The following TAB2 variants were observed in gnomAD, a reference collection of about 807,000 sequenced individuals.
TAB2 encodes TGF-beta-activated kinase 1 and MAP3K7-binding protein 2.
In TAB2, 3 loss-of-function variants were observed where a neutral mutation model predicts 65.0. That is an observed-to-expected ratio of 0.05 (90% confidence interval 0.02 to 0.12). The LOEUF is 0.12. Ranked by LOEUF, TAB2 falls within the 10% of genes least tolerant of loss-of-function variation. The pLI is 1.00. For missense variants in TAB2, 623 were observed against 840.3 expected (o/e 0.74, Z 3.20); for synonymous variants, 298 against 285.1 (o/e 1.05, Z -0.46).
At chr6:149,248,065 TTAAAG>T (rs1777763377) in intron 1 of TAB2, among the ~76,000 whole-genome samples, 1 of 152,028 alleles carries the variant, frequency 6.6e-6, no homozygotes, top group Non-Finnish European at 1.5e-5. Context: ...ATCCTAGAAC[TTAAAG>T]TAAAATAAAA....
chr6:149,311,317 T>C (rs1224013462), intron 1 of TAB2, among the ~76,000 whole-genome samples: 2 of 152,204 alleles, frequency 1.3e-5, no homozygotes, highest in African/African-American at 4.8e-5. Flanking sequence ...CAATTGAAAT[T>C]TCAACTCTTG....
intron 1 of TAB2, among the ~76,000 whole-genome samples, chr6:149,362,055 G>C (rs1780869465): frequency 6.6e-6 from 1 of 152,200 alleles, no homozygotes; most frequent in Non-Finnish European, 1.5e-5. Flanking sequence ...AGAATTTTCA[G>C]ATATTCCCTC....
rs546557845 is a variant in TAB2 at position 149,250,774 on chromosome 6, C to G, written c.-121+31998C>G. On this transcript the variant is annotated intron_variant, in intron 1 of 1. Coordinates refer to the TAB2 transcript ENST00000606202. ...CGTTGAATTGATGAGGCTATCCTTT[C>G]CTTTCCTTTCCTTTGCTTTGCTTCA... Among the ~76,000 whole-genome samples, 40 of 152,308 alleles carry G rather than the reference C, an allele frequency of 2.6e-4. 1 individual carries two copies. The highest frequency in any genetic ancestry group is 2.4e-3 in the Admixed American group (36 of 15,308).
chr6:149,270,859 A>G (rs575945901), intron 1 of TAB2, among the ~76,000 whole-genome samples: 19 of 152,208 alleles, frequency 1.2e-4, no homozygotes, highest in East Asian at 9.7e-4. Flanking sequence ...AAGAGTGGTG[A>G]AGATGACATA....
intron 1 of TAB2, among the ~76,000 whole-genome samples, chr6:149,232,189 C>T (rs1204621875): frequency 6.6e-6 from 1 of 151,876 alleles, no homozygotes; most frequent in Non-Finnish European, 1.5e-5. Context: ...GGCCAGGCCT[C>T]GGGGACCACC....
At chr6:149,383,709 G>C (rs1781696175) in intron 3 of TAB2, among the ~76,000 whole-genome samples, 1 of 152,026 alleles carries the variant, frequency 6.6e-6, no homozygotes, top group Non-Finnish European at 1.5e-5. Context: ...CAGCCTCCCG[G>C]GTAGCTGTGA....
At chr6:149,406,563 T>G (rs1355216491) in intron 6 of TAB2, among the ~76,000 whole-genome samples, 1 of 152,196 alleles carries the variant, frequency 6.6e-6, no homozygotes, top group Non-Finnish European at 1.5e-5. Flanking sequence ...CGTCTGTTTT[T>G]GTCAATAAAG....
At chr6:149,287,339 T>C (rs755085876) in intron 1 of TAB2, among the ~76,000 whole-genome samples, 25 of 152,124 alleles carry the variant, frequency 1.6e-4, no homozygotes, top group Admixed American at 2.6e-4. Context: ...GAAAAACAAA[T>C]AGATAAAGCT....
intron 1 of TAB2, among the ~76,000 whole-genome samples, chr6:149,253,759 T>TA (rs1307140178): frequency 6.6e-6 from 1 of 150,420 alleles, no homozygotes; most frequent in African/African-American, 2.5e-5. Context: ...CCGTCTCTGC[T>TA]AAAAATACAA....
At chr6:149,313,210 CTGGAATG>C (rs1779194760), upstream of TAB2, among the ~76,000 whole-genome samples, 1 of 152,044 alleles carries the variant, frequency 6.6e-6, no homozygotes, top group Admixed American at 6.6e-5. Flanking sequence ...GTCACCCAGG[CTGGAATG>C]CAGTGGTGCA....
intron 1 of TAB2, among the ~76,000 whole-genome samples, chr6:149,281,161 A>C (rs886161609): frequency 2.0e-5 from 3 of 152,120 alleles, no homozygotes; most frequent in South Asian, 2.1e-4. Context: ...TTGACTGTTT[A>C]AATACAAATA....
intron 1 of TAB2, among the ~76,000 whole-genome samples, chr6:149,367,264 G>C (rs769784515): frequency 1.1e-4 from 17 of 152,236 alleles, no homozygotes; most frequent in Non-Finnish European, 2.4e-4. Flanking sequence ...TATTTAGATA[G>C]AGGGATTGGT....
At chr6:149,222,166 C>T (rs1489849847) in intron 1 of TAB2, among the ~76,000 whole-genome samples, 1 of 152,192 alleles carries the variant, frequency 6.6e-6, no homozygotes, top group East Asian at 1.9e-4. Flanking sequence ...CTCTGGCCTC[C>T]AGATTATGAC....
At chr6:149,317,432 C>CT, upstream of TAB2, 1 of 174,694 alleles carries the variant, frequency 5.7e-6, no homozygotes, top group Non-Finnish European at 1.2e-5. The surrounding 1 kb of genome is among the most constrained non-coding windows in gnomAD (Gnocchi z 4.7). Flanking sequence ...CCGCCGCCGC[C>CT]GCCGCCTGCT....
At chr6:149,269,833 C>T (rs1470335460) in intron 1 of TAB2, among the ~76,000 whole-genome samples, 1 of 152,118 alleles carries the variant, frequency 6.6e-6, no homozygotes, top group Non-Finnish European at 1.5e-5. Context: ...TTTTGTTTAT[C>T]CATTGCCCAA....
chr6:149,320,794 A>G (rs1361023652), intron 1 of TAB2, among the ~76,000 whole-genome samples: 1 of 152,212 alleles, frequency 6.6e-6, no homozygotes, highest in African/African-American at 2.4e-5. Context: ...TAATATATAA[A>G]GTTCATAAAT....
At chr6:149,350,854 G>GTA (rs995271101) in intron 1 of TAB2, among the ~76,000 whole-genome samples, 3 of 151,956 alleles carry the variant, frequency 2.0e-5, no homozygotes, top group Admixed American at 6.6e-5. Context: ...ATAAAATGAT[G>GTA]TATATATATA....
intron 1 of TAB2, among the ~76,000 whole-genome samples, chr6:149,237,489 G>A (rs924120359): frequency 2.6e-5 from 4 of 152,148 alleles, no homozygotes; most frequent in African/African-American, 7.2e-5. Context: ...CCCCCATGAT[G>A]ATACAATGGA....
chr6:149,302,792 A>G (rs542270587), intron 1 of TAB2, among the ~76,000 whole-genome samples: 22 of 152,186 alleles, frequency 1.4e-4, no homozygotes, highest in Non-Finnish European at 2.6e-4. Context: ...ACAGATTCAT[A>G]TCTTATCAGC....
Sources: gnomAD v4.1 joint callset for allele counts (sites outside exome capture counted in the v4.1 genomes callset) on GRCh38, gnomAD v4.1.1 for gene constraint, Gnocchi (gnomAD v3.1) non-coding constraint, MANE v1.5 for transcripts, NCBI Gene and HGNC (gene_info 2026-07-23, HGNC 2026-07-21) for gene names.